TMEM131: variants seen among roughly 807,000 people sequenced by gnomAD.
TMEM131 encodes the protein transmembrane protein 131, also known as 2610524E03Rik.
In TMEM131, 66 loss-of-function variants were observed where a neutral mutation model predicts 211.6. The observed-to-expected ratio is 0.31, with a 90% CI of 0.26 to 0.38. TMEM131 has a LOEUF of 0.38. TMEM131 is among the 10% of genes least tolerant of loss of function. The probability of loss-of-function intolerance (pLI) is 1.00; values close to 1 mark genes in which losing one functional copy is unlikely to be tolerated. For missense variants in TMEM131, 2,036 were observed against 2,299.3 expected, an observed-to-expected ratio of 0.89 and a Z score of 2.34; for synonymous variants, 844 against 841.3, an observed-to-expected ratio of 1.00 and a Z score of -0.06.
intron 11 of TMEM131, among the ~76,000 whole-genome samples, chr2:97,832,948 A>G (rs563192103): frequency 3.9e-5 from 6 of 152,238 alleles, no homozygotes; most frequent in African/African-American, 1.4e-4. Flanking sequence ...CACTACCTAC[A>G]ACATTTTTTT....
chr2:97,828,560 C>T (rs974780332), intron 11 of TMEM131, among the ~76,000 whole-genome samples: 1 of 152,196 alleles, frequency 6.6e-6, no homozygotes, highest in African/African-American at 2.4e-5. Flanking sequence ...AAGGATTTCT[C>T]AGACAGTTTG....
Position 97,792,358 on chromosome 2 carries a change from C to T in TMEM131, c.4144+28G>A, listed in dbSNP as rs527257556. 59 of 1,515,894 alleles carry T rather than the reference C, an allele frequency of 3.9e-5. No homozygotes were observed. The East Asian group carries it at 5.2e-4, about 13-fold the overall frequency. The allele number at this position is 1,515,894 out of a possible 1,614,324, so 93.9% of individuals were successfully genotyped here. A position where few individuals can be genotyped will look rare whatever the true frequency, so the allele number is the denominator to read the frequency against. On this transcript the variant is annotated intron_variant, in intron 31 of 40. Coordinates refer to ENST00000186436, the MANE Select transcript of TMEM131 (RefSeq NM_015348.2). Reference sequence around the variant, plus strand: ...GCACTGGCTTTTCCCTCACACATCACGGATCTCCGGCAGTGGGAGATGATT... The same window carrying T: ...GCACTGGCTTTTCCCTCACACATCATGGATCTCCGGCAGTGGGAGATGATT...
chr2:97,986,693 G>C (rs1352735561), intron 1 of TMEM131, among the ~76,000 whole-genome samples: 1 of 152,168 alleles, frequency 6.6e-6, no homozygotes, highest in African/African-American at 2.4e-5. Context: ...CATTCTGAAA[G>C]AGACATTACC....
At chr2:97,972,040 T>C (rs771245188) in intron 1 of TMEM131, among the ~76,000 whole-genome samples, 2 of 151,476 alleles carry the variant, frequency 1.3e-5, no homozygotes, top group Non-Finnish European at 2.9e-5. Context: ...AAACCCCATC[T>C]CTACTAAAAC....
At chr2:97,794,096 C>T (rs904876387) in intron 29 of TMEM131, among the ~76,000 whole-genome samples, 6 of 148,104 alleles carry the variant, frequency 4.1e-5, no homozygotes, top group Admixed American at 6.8e-5. Context: ...GACAAAGTTT[C>T]GCTCTTATTG....
chr2:97,768,698 C>A (rs1408568119), intron 33 of TMEM131, among the ~76,000 whole-genome samples: 1 of 152,196 alleles, frequency 6.6e-6, no homozygotes, highest in East Asian at 1.9e-4. Context: ...TCAAGCAATT[C>A]TCCTGCCTCA....
chr2:97,782,604 G>A (rs1680062915), intron 31 of TMEM131, among the ~76,000 whole-genome samples: 1 of 152,146 alleles, frequency 6.6e-6, no homozygotes, highest in Admixed American at 6.5e-5. Flanking sequence ...TTATGAACAT[G>A]CTTGAAACAA....
intron 1 of TMEM131, among the ~76,000 whole-genome samples, chr2:97,954,641 C>A (rs886878165): frequency 6.6e-6 from 1 of 151,902 alleles, no homozygotes; most frequent in Admixed American, 6.6e-5. Context: ...CCCATCTCTA[C>A]TAAAAATACA....
At position 97,815,268 on chromosome 2, in the gene TMEM131, A is replaced by G; in HGVS notation, c.1223T>C (p.Ile408Thr). Residue 408 changes from isoleucine (I) to threonine (T), a missense_variant, in exon 13 of 41, where the codon ATA (isoleucine) becomes ACA (threonine). Transcript: ENST00000186436. ...AKKPSQFSGK[I>T]TVKAKEKSYS... ...ACTCTTTTCCTTTGCTTTAACTGTT[A>G]TTTTCCCAGAAAACTGAGATGGCTT... The G allele has an allele frequency of 6.4e-7, 1 of 1,574,744 alleles. No homozygotes were observed. The highest frequency in any genetic ancestry group is 1.4e-5 in the African/African-American group (1 of 72,336).
At chr2:97,812,310 C>G (rs923244522) in intron 17 of TMEM131, 111 bp downstream of exon 17, 1 of 1,233,788 alleles carries the variant, frequency 8.1e-7, no homozygotes, top group Non-Finnish European at 1.1e-6. Context: ...GTAACCAACA[C>G]TATTATGAAC....
In TMEM131 at chr2:97,811,112, C is replaced by T; in HGVS notation, c.1968+16G>A. 1 of 1,571,232 alleles carries T rather than the reference C, an allele frequency of 6.4e-7. No individual in the cohort carries two copies. Among genetic ancestry groups the T allele is most frequent in the South Asian group, 1.1e-5 (1 of 90,132 alleles). On this transcript the variant is annotated intron_variant, in intron 18 of 40. Coordinates refer to ENST00000186436, the MANE Select transcript of TMEM131 (RefSeq NM_015348.2). Reference sequence around the variant, plus strand: ...CAGAAAAACCCCACTGCCATGAATCCCCATAAAGTCCTTACCTCATAGTCT... The same window carrying T: ...CAGAAAAACCCCACTGCCATGAATCTCCATAAAGTCCTTACCTCATAGTCT...
chr2:97,898,066 T>A (rs898760056), intron 3 of TMEM131, among the ~76,000 whole-genome samples: 4 of 152,156 alleles, frequency 2.6e-5, no homozygotes, highest in Non-Finnish European at 4.4e-5. Flanking sequence ...ATTTCATTAC[T>A]GATTTTTTTT....
chr2:97,927,042 T>C (rs1310567989), intron 2 of TMEM131, among the ~76,000 whole-genome samples: 1 of 152,212 alleles, frequency 6.6e-6, no homozygotes, highest in Admixed American at 6.5e-5. Context: ...CATTTTTTAG[T>C]AGGAAGGCTT....
At chr2:97,932,183 C>T (rs919143197) in intron 1 of TMEM131, among the ~76,000 whole-genome samples, 1 of 149,844 alleles carries the variant, frequency 6.7e-6, no homozygotes, top group Non-Finnish European at 1.5e-5. Context: ...TAGAATTCAA[C>T]ATTGTTAAAT....
chr2:97,913,225 C>CTTTTCTGG (rs1321418192), intron 2 of TMEM131: 1 of 152,182 alleles, frequency 6.6e-6, no homozygotes, highest in Non-Finnish European at 1.5e-5. Flanking sequence ...TTCTTCTACC[C>CTTTTCTGG]TACAACCAAT....
intron 1 of TMEM131, among the ~76,000 whole-genome samples, chr2:97,951,514 C>G (rs1678314593): frequency 1.3e-5 from 2 of 152,170 alleles, no homozygotes; most frequent in Non-Finnish European, 2.9e-5. Context: ...CTGTTGTGGG[C>G]AGACTAGGCC....
chr2:97,967,288 TA>T (rs1472234656), intron 1 of TMEM131, among the ~76,000 whole-genome samples: 2 of 152,120 alleles, frequency 1.3e-5, no homozygotes, highest in African/African-American at 4.8e-5. Context: ...TGCCTGTCTC[TA>T]ACAAAAAAAT....
chr2:97,762,121 T>A lies in TMEM131; in HGVS notation c.4803A>T (p.Thr1601=). 1 of 1,613,418 alleles carries A rather than the reference T, an allele frequency of 6.2e-7. No homozygotes were observed. The highest frequency in any genetic ancestry group is 8.5e-7 in the Non-Finnish European group (1 of 1,179,644). The change falls in exon 36 of 41, where the codon ACA becomes ACT. Residue 1601 remains threonine (T), a synonymous_variant. Coordinates refer to ENST00000186436, the MANE Select transcript of TMEM131 (RefSeq NM_015348.2). ...CAGCTGGGGGAGACGGGGAAGCAGG[T>A]GTCGGTGAGGTCTGGCGTTGTTTTA... is the stretch of plus-strand genomic sequence containing the variant. ...IFLKQRQTSP[T]PASPSPPAAP...
rs115244054 is a variant in TMEM131 at position 97,988,795 on chromosome 2, C to T, written c.187+6681G>A. ...GGCAAGGGCATGGAGAAATTGGAAT[C>T]CTTGTGCATTATTCACGGGATTCTG... On this transcript the variant is annotated intron_variant, in intron 1 of 40. Coordinates refer to ENST00000186436, the MANE Select transcript of TMEM131 (RefSeq NM_015348.2). Among the ~76,000 whole-genome samples the T allele has an allele frequency of 6.8e-3, 1,038 of 152,296 alleles. 8 individuals are homozygous for T. Among genetic ancestry groups the T allele is most frequent in the Non-Finnish European group, 9.4e-3 (636 of 68,016 alleles).
Sources: allele counts gnomAD v4.1 joint callset (sites outside exome capture counted in the v4.1 genomes callset), GRCh38; gene constraint gnomAD v4.1.1; transcripts MANE v1.5; gene names NCBI Gene and HGNC (gene_info 2026-07-23, HGNC 2026-07-21).